RBBP6: variants seen among roughly 807,000 people sequenced by gnomAD.
The protein encoded by RBBP6 is RB binding protein 6, ubiquitin ligase, also known as E3 ubiquitin-protein ligase RBBP6.
In RBBP6, 25 loss-of-function variants were observed where a neutral mutation model predicts 167.7. The observed-to-expected ratio is 0.15, with a 90% CI of 0.11 to 0.21. The LOEUF (loss-of-function observed/expected upper bound fraction) is 0.21. Among genes scored for constraint, RBBP6 ranks in the 10% least tolerant of loss-of-function variants. RBBP6 has a pLI of 1.00. For missense variants in RBBP6, 1,868 were observed against 2,134.2 expected (o/e 0.88, Z 2.46); for synonymous variants, 789 against 735.8 (o/e 1.07, Z -1.17).
rs760532032 is a variant in RBBP6 at position 24,572,182 on chromosome 16, CCTT to C, written c.5119_5121del (p.Ser1707del). On this transcript the variant is annotated inframe_deletion, in exon 18 of 18. Coordinates refer to ENST00000319715, the MANE Select transcript of RBBP6 (RefSeq NM_006910.5). ...CGTCAGCCCCAGCAGAAGCCACAGT[CCTT>C]CTGGAAGCCAGACCCGAAGCCACAG... 4.8e-5 allele frequency: 78 copies of C among 1,614,114 alleles called. No individual in the cohort carries two copies. The highest frequency in any genetic ancestry group is 1.1e-4 in the East Asian group (5 of 44,878).
At chr16:24,541,779 A>G (rs1304972038) in intron 1 of RBBP6, among the ~76,000 whole-genome samples, 1 of 152,194 alleles carries the variant, frequency 6.6e-6, no homozygotes, top group Admixed American at 6.5e-5. Flanking sequence ...CGGTGTTCTA[A>G]AAGTTACTGA....
chr16:24,562,820 G>C (rs1596509649), intron 10 of RBBP6, among the ~76,000 whole-genome samples: 1 of 152,108 alleles, frequency 6.6e-6, no homozygotes, highest in African/African-American at 2.4e-5. Context: ...GTGGAAATAG[G>C]CCCAGAGAGT....
At chr16:24,564,650 T>C (rs576495835) in intron 13 of RBBP6, 147 bp from the exon 14 acceptor site, 1 of 1,044,896 alleles carries the variant, frequency 9.6e-7, no homozygotes, top group South Asian at 2.5e-5. Flanking sequence ...TTTACTCAGC[T>C]CTGTATCCGA....
chr16:24,558,407 T>A, intron 7 of RBBP6: 1 of 780,540 alleles, frequency 1.3e-6, no homozygotes, highest in Non-Finnish European at 1.6e-6. Flanking sequence ...TTCTTTTTTC[T>A]CTCTTTTGGG....
chr16:24,560,592 A>T (rs1397124794), intron 8 of RBBP6, among the ~76,000 whole-genome samples: 3 of 152,216 alleles, frequency 2.0e-5, no homozygotes, highest in African/African-American at 7.2e-5. Context: ...GGTAGTTTTG[A>T]AATATACAGT....
rs763378882 is a variant in RBBP6 at position 24,571,667 on chromosome 16, C to A, written c.4601C>A (p.Ser1534Tyr). 36 of 1,613,730 alleles carry A rather than the reference C, an allele frequency of 2.2e-5. No individual in the cohort carries two copies. Among genetic ancestry groups the A allele is most frequent in the Non-Finnish European group, 3.0e-5 (35 of 1,179,944 alleles). The change falls in exon 18 of 18, where the codon TCT becomes TAT. Residue 1534 changes from serine (S) to tyrosine (Y), a missense_variant. Ser to Tyr is a moderately radical substitution (Grantham distance 144). This residue lies in a region of RBBP6 where 591 missense variants were observed against 540.5 expected (regional missense o/e 1.09). Coordinates refer to ENST00000319715, the MANE Select transcript of RBBP6 (RefSeq NM_006910.5). The stretch of plus-strand genomic sequence containing the variant: ...ACAGGAGATTCCAAAAAAAGTAATT[C>A]TAGTCCCTCAAGAGACAGAAAACCT... ...KGTGDSKKSNSSPSRDRKPHD... is the reference protein window; with the variant it reads ...KGTGDSKKSNYSPSRDRKPHD...
chr16:24,550,802 T>C lies in RBBP6; in HGVS notation c.303+1821T>C, dbSNP rs373033597. The stretch of plus-strand genomic sequence containing the variant: ...GGTAGAATTATCTGAAATAGAGATA[T>C]TAGATAACCTTGTTGTCCCCATCAT... On this transcript the variant is annotated intron_variant, in intron 3 of 17. Coordinates refer to ENST00000319715, the MANE Select transcript of RBBP6 (RefSeq NM_006910.5). Among the ~76,000 whole-genome samples, 10 of 151,796 alleles carry C rather than the reference T, an allele frequency of 6.6e-5. No homozygotes were observed. In the East Asian group the frequency reaches 9.6e-4, roughly 15 times the overall value.
chr16:24,545,427 A>G (rs545054075), intron 1 of RBBP6, among the ~76,000 whole-genome samples: 13 of 152,214 alleles, frequency 8.5e-5, no homozygotes, highest in Admixed American at 7.9e-4. Context: ...AAAATCCTTC[A>G]GTGTCTTCCT....
At chr16:24,562,935 A>AT (rs1206739750) in intron 10 of RBBP6, among the ~76,000 whole-genome samples, 1 of 152,108 alleles carries the variant, frequency 6.6e-6, no homozygotes, top group Non-Finnish European at 1.5e-5. Context: ...CCAGACTTTG[A>AT]TTTTAAGTTT....
chr16:24,562,981 GTATCTTC>G, intron 10 of RBBP6, among the ~76,000 whole-genome samples: 1 of 149,642 alleles, frequency 6.7e-6, no homozygotes, highest in East Asian at 1.9e-4. Context: ...CATAACTGTA[GTATCTTC>G]TTAAGGAGGT....
intron 8 of RBBP6, among the ~76,000 whole-genome samples, chr16:24,561,048 C>G (rs1279609932): frequency 9.9e-5 from 12 of 121,248 alleles, no homozygotes; most frequent in Admixed American, 9.7e-4. Flanking sequence ...ATCTTCGTAT[C>G]TGTAATTTAG....
In RBBP6 at chr16:24,571,831, T is replaced by C; in HGVS notation, c.4765T>C (p.Tyr1589His). The change falls in exon 18 of 18, where the codon TAT (tyrosine) becomes CAT (histidine). Residue 1589 changes from tyrosine to histidine, a missense_variant. By Grantham distance (83) the Tyr-to-His change is moderately conservative (BLOSUM62 2). This residue lies in a region of RBBP6 where 591 missense variants were observed against 540.5 expected (regional missense o/e 1.09). Coordinates refer to ENST00000319715, the MANE Select transcript of RBBP6 (RefSeq NM_006910.5). The stretch of plus-strand genomic sequence containing the variant: ...AGAGTCAAGTGGCAATAAACTACTT[T>C]ATATACTTAACCCACCAGAGACACA... ...NKESSGNKLLYILNPPETQVE... is the reference protein window; with the variant it reads ...NKESSGNKLLHILNPPETQVE... 6.2e-7 allele frequency: 1 copy of C among 1,614,128 alleles called. No homozygotes were observed. Among genetic ancestry groups the C allele is most frequent in the Non-Finnish European group, 8.5e-7 (1 of 1,179,998 alleles).
chr16:24,568,848 A>G lies in RBBP6; in HGVS notation c.2158A>G (p.Ser720Gly). ...TTCACGCTCTTATTCTCGATCATTC[A>G]GCCGCTCACATTCTCGTTCCTATTC... ...TRSRSYSRSFSRSHSRSYSRS... is the reference protein window; with the variant it reads ...TRSRSYSRSFGRSHSRSYSRS... Residue 720 changes from serine to glycine, a missense_variant, in exon 17 of 18, where the codon AGC becomes GGC. Physicochemically the swap from Ser to Gly is moderately conservative, Grantham distance 56. Around this residue, in one of 7 missense-constraint regions of RBBP6, gnomAD observed 673 missense variants for 691.5 expected, o/e 0.97. Transcript: ENST00000319715. 1 of 1,614,264 alleles carries G rather than the reference A, an allele frequency of 6.2e-7. No homozygotes were observed. Among genetic ancestry groups the G allele is most frequent in the Non-Finnish European group, 8.5e-7 (1 of 1,180,042 alleles).
At chr16:24,546,114 C>T (rs369751029) in intron 1 of RBBP6, 49 bp from the exon 2 acceptor site, 162 of 1,520,454 alleles carry the variant, frequency 1.1e-4, no homozygotes, top group Non-Finnish European at 1.3e-4. Context: ...TTCTTGGTTA[C>T]GCACTCAAAT....
chr16:24,560,697 T>C (rs952786394), intron 8 of RBBP6, among the ~76,000 whole-genome samples: 1 of 152,202 alleles, frequency 6.6e-6, no homozygotes, highest in African/African-American at 2.4e-5. Context: ...TAAAGACTAA[T>C]ACAGATTTTA....
At chr16:24,562,843 C>G (rs1345954675) in intron 10 of RBBP6, among the ~76,000 whole-genome samples, 1 of 152,070 alleles carries the variant, frequency 6.6e-6, no homozygotes, top group Non-Finnish European at 1.5e-5. Flanking sequence ...TATGGCTGAC[C>G]CAAGATTATC....
intron 4 of RBBP6, 30 bp downstream of exon 4, chr16:24,553,587 T>C (rs887162132): frequency 4.0e-5 from 60 of 1,504,884 alleles, no homozygotes; most frequent in South Asian, 6.4e-5. Flanking sequence ...CTTGAAAATA[T>C]AAGTTTTTTT....
At chr16:24,547,431 A>G (rs115850333) in intron 2 of RBBP6, among the ~76,000 whole-genome samples, 101 of 152,270 alleles carry the variant, frequency 6.6e-4, no homozygotes, top group African/African-American at 2.3e-3. Context: ...AGAATTATAT[A>G]TATATGTGTG....
At chr16:24,542,482 A>G (rs1359370562) in intron 1 of RBBP6, among the ~76,000 whole-genome samples, 1 of 150,528 alleles carries the variant, frequency 6.6e-6, no homozygotes, top group Non-Finnish European at 1.5e-5. Context: ...CCCCTGAAAC[A>G]GAGTCTCACT....
Sources: allele counts gnomAD v4.1 joint callset (sites outside exome capture counted in the v4.1 genomes callset), GRCh38; gene constraint gnomAD v4.1.1; regional missense constraint gnomAD v4.1.1; transcripts MANE v1.5; gene names NCBI Gene and HGNC (gene_info 2026-07-23, HGNC 2026-07-21).